Variants in ARL6IP6 observed in about 807,000 individuals in gnomAD.
ARL6IP6 encodes the protein ADP-ribosylation factor-like protein 6-interacting protein 6.
In ARL6IP6, 22 loss-of-function variants were observed where a neutral mutation model predicts 21.5. That is an observed-to-expected ratio of 1.02 (90% confidence interval 0.73 to 1.46). The LOEUF is 1.46. Ranked by LOEUF, ARL6IP6 falls within the 40% of genes most tolerant of loss-of-function variation. The pLI, the probability that ARL6IP6 is intolerant of heterozygous loss-of-function variation, is 0.00. For missense variants in ARL6IP6, 388 were observed against 299.8 expected, an observed-to-expected ratio of 1.29 and a Z score of -2.17; for synonymous variants, 164 against 125.3, an observed-to-expected ratio of 1.31 and a Z score of -2.06.
At position 152,718,836 on chromosome 2, in the gene ARL6IP6, C is replaced by T. The variant is rs369281391; in HGVS notation, c.212C>T (p.Ser71Leu). ...AGAWSEPRKRSVLPPDGNGSP... is the reference protein window; with the variant it reads ...AGAWSEPRKRLVLPPDGNGSP... ...GCGTGGTCAGAGCCCAGAAAGCGCT[C>T]GGTGCTCCCGCCGGACGGGAACGGG... Residue 71 changes from serine to leucine, a missense_variant, in exon 1 of 4, where the codon TCG (serine) becomes TTG (leucine). Ser to Leu is a moderately radical substitution (Grantham distance 145). Transcript: ENST00000326446. The T allele has an allele frequency of 7.4e-5, 119 of 1,610,882 alleles. No individual in the cohort carries two copies. The African/African-American group carries it at 9.5e-4, about 13-fold the overall frequency.
intron 3 of ARL6IP6, among the ~76,000 whole-genome samples, chr2:152,745,096 CAT>C (rs1238882638): frequency 4.6e-5 from 7 of 152,174 alleles, no homozygotes; most frequent in East Asian, 1.9e-4. Context: ...AATACTTTGA[CAT>C]GTGAATTTCC....
intron 3 of ARL6IP6, among the ~76,000 whole-genome samples, chr2:152,744,900 A>G (rs1326741503): frequency 6.6e-6 from 1 of 152,184 alleles, no homozygotes; most frequent in African/African-American, 2.4e-5. Flanking sequence ...AGAAAAGGGA[A>G]CAAGTTAATT....
rs2105201403 is a variant in ARL6IP6, at chr2:152,760,084, G to A, written c.*244G>A. ...AAGTACTTTCTTCAGAGTATAAGAT[G>A]TTTACCTCATCTTTTTACTTTTGTG... is the stretch of plus-strand genomic sequence containing the variant. On this transcript the variant is annotated 3_prime_UTR_variant, in exon 4 of 4. Transcript: ENST00000326446. 3.0e-6 allele frequency: 1 copy of A among 329,034 alleles called. No homozygotes were observed. The allele number at this position is 329,034 out of a possible 1,614,324, so 20.4% of individuals were successfully genotyped here.
intron 3 of ARL6IP6, among the ~76,000 whole-genome samples, chr2:152,747,349 G>T (rs1375875805): frequency 6.6e-6 from 1 of 152,080 alleles, no homozygotes; most frequent in Non-Finnish European, 1.5e-5. Context: ...TCTCTCCATT[G>T]TCTCTTGCTT....
In ARL6IP6 at chr2:152,718,705, G is replaced by A; in HGVS notation, c.81G>A (p.Ser27=). Residue 27 remains serine, a synonymous_variant, in exon 1 of 4, where the codon TCG becomes TCA. Transcript: ENST00000326446. ...PGTPGPVARP[S]YSSFTQGDSW... ...CCCCGGGCCCTGTGGCTCGGCCATC[G>A]TATTCCTCCTTTACTCAGGGGGACA... 1 of 1,604,020 alleles carries A rather than the reference G, an allele frequency of 6.2e-7. No homozygotes were observed. Among genetic ancestry groups the A allele is most frequent in the Non-Finnish European group, 8.5e-7 (1 of 1,174,572 alleles).
chr2:152,737,886 C>T (rs1030212340), intron 3 of ARL6IP6, among the ~76,000 whole-genome samples: 1 of 152,172 alleles, frequency 6.6e-6, no homozygotes, highest in Admixed American at 6.5e-5. Context: ...CAAAACCAAT[C>T]ATGCCTTCCC....
chr2:152,718,156 A>G, upstream of ARL6IP6: 6 of 761,808 alleles, frequency 7.9e-6, no homozygotes, highest in Non-Finnish European at 9.6e-6. Context: ...CCTGGAGAAG[A>G]GTGTGAGCGT....
intron 3 of ARL6IP6, among the ~76,000 whole-genome samples, chr2:152,739,685 A>G (rs1428933017): frequency 6.6e-6 from 1 of 152,232 alleles, no homozygotes; most frequent in Non-Finnish European, 1.5e-5. Flanking sequence ...GTATGTTTAC[A>G]GCAGCAACCC....
intron 3 of ARL6IP6, among the ~76,000 whole-genome samples, chr2:152,735,812 T>C (rs774458234): frequency 2.9e-4 from 31 of 106,756 alleles, no homozygotes; most frequent in Non-Finnish European, 4.8e-4. Flanking sequence ...ATTAAATTTA[T>C]GTATGTTATT....
chr2:152,734,134 G>A (rs1384672210), intron 2 of ARL6IP6, among the ~76,000 whole-genome samples: 4 of 152,052 alleles, frequency 2.6e-5, no homozygotes, highest in Non-Finnish European at 5.9e-5. Context: ...CTTTAAATTA[G>A]CTTACTCCTT....
At chr2:152,739,575 GT>G (rs1700712313) in intron 3 of ARL6IP6, among the ~76,000 whole-genome samples, 1 of 152,160 alleles carries the variant, frequency 6.6e-6, no homozygotes, top group Admixed American at 6.5e-5. Context: ...TCTCTAGGAA[GT>G]TGCAAACTTT....
chr2:152,731,830 C>T (rs1031545046), intron 2 of ARL6IP6, among the ~76,000 whole-genome samples: 6 of 152,038 alleles, frequency 3.9e-5, no homozygotes, highest in African/African-American at 1.4e-4. Flanking sequence ...TTCATATATA[C>T]AACATATGTA....
intron 2 of ARL6IP6, among the ~76,000 whole-genome samples, chr2:152,721,911 A>G (rs890827032): frequency 1.3e-5 from 2 of 152,296 alleles, no homozygotes; most frequent in South Asian, 2.1e-4. Context: ...CTTTTTAGTT[A>G]CTCATTTTAT....
chr2:152,718,357 T>C, upstream of ARL6IP6: 2 of 384,950 alleles, frequency 5.2e-6, no homozygotes, highest in Admixed American at 4.8e-5. Context: ...TCGACAGCCT[T>C]CGGCCTCCGC....
intron 3 of ARL6IP6, among the ~76,000 whole-genome samples, chr2:152,756,633 A>G (rs1233441096): frequency 6.6e-6 from 1 of 152,220 alleles, no homozygotes; most frequent in Non-Finnish European, 1.5e-5. Flanking sequence ...AAAATGAGAA[A>G]AAGTTTTGAA....
chr2:152,745,916 T>C (rs906983744), intron 3 of ARL6IP6, among the ~76,000 whole-genome samples: 1 of 150,282 alleles, frequency 6.7e-6, no homozygotes, highest in African/African-American at 2.4e-5. Flanking sequence ...TGCATAGATA[T>C]AACAAAATCC....
At position 152,760,702 on chromosome 2, in the gene ARL6IP6, G is replaced by T. The variant is rs970345524; in HGVS notation, c.*862G>T. On this transcript the variant is annotated 3_prime_UTR_variant, in exon 4 of 4. Transcript: ENST00000326446. ...CACAATTCCAAATATTTATCTTGGT[G>T]TATATATTGTTACTTTAACAGAACT... 4.0e-5 allele frequency: 6 copies of T among 151,670 alleles called. No individual in the cohort carries two copies. Among genetic ancestry groups the T allele is most frequent in the African/African-American group, 1.5e-4 (6 of 41,312 alleles). 9.4% of individuals were successfully genotyped at this position (151,670 alleles called of 1,614,324 possible). A position where few individuals can be genotyped will look rare whatever the true frequency, so the allele number is the denominator to read the frequency against.
chr2:152,739,359 AC>A (rs1217416083), intron 3 of ARL6IP6, among the ~76,000 whole-genome samples: 2 of 152,156 alleles, frequency 1.3e-5, no homozygotes, highest in Non-Finnish European at 2.9e-5. Context: ...TCCACCAGAT[AC>A]CCTAAATCAT....
At chr2:152,729,961 A>G (rs1700227262) in intron 2 of ARL6IP6, among the ~76,000 whole-genome samples, 1 of 152,200 alleles carries the variant, frequency 6.6e-6, no homozygotes, top group Non-Finnish European at 1.5e-5. Context: ...CTTGTAAAAA[A>G]TTTAGTTGTT....
Sources: allele counts gnomAD v4.1 joint callset (sites outside exome capture counted in the v4.1 genomes callset), GRCh38; gene constraint gnomAD v4.1.1; transcripts MANE v1.5; gene names NCBI Gene and HGNC (gene_info 2026-07-23, HGNC 2026-07-21).